CEP83: variants seen among roughly 807,000 people sequenced by gnomAD.
CEP83 encodes the protein centrosomal protein 83.
A neutral mutation model predicts 101.9 loss-of-function variants in CEP83; 70 were observed. The ratio of observed to expected loss-of-function variants is 0.69; its 90% CI spans 0.57 to 0.84. CEP83 has a LOEUF of 0.84. Ranked by LOEUF, CEP83 falls within the 40% of genes least tolerant of loss-of-function variation. The pLI is 0.00. For synonymous variants in CEP83, 264 were observed against 267.9 expected (o/e 0.99, Z 0.14); for missense variants, 715 against 787.2 (o/e 0.91, Z 1.10).
intron 14 of CEP83, among the ~76,000 whole-genome samples, chr12:94,316,261 G>A (rs1410394463): frequency 1.3e-5 from 2 of 151,926 alleles, no homozygotes; most frequent in Non-Finnish European, 2.9e-5. Flanking sequence ...TATTGTAAAT[G>A]GCATTTAAAT....
chr12:94,331,357 CTTTTTTTTTTTTTTTTT>C (rs1161292599), intron 14 of CEP83, among the ~76,000 whole-genome samples: 16 of 66,800 alleles, frequency 2.4e-4, no homozygotes, highest in Non-Finnish European at 3.7e-4. Flanking sequence ...ACCTTTTTTC[CTTTTTTTTTTTTTTTTT>C]TTTTTTTTTT....
At chr12:94,357,960 G>C (rs1189366339) in intron 11 of CEP83, among the ~76,000 whole-genome samples, 1 of 152,080 alleles carries the variant, frequency 6.6e-6, no homozygotes, top group Non-Finnish European at 1.5e-5. Flanking sequence ...CAGCTTACTG[G>C]GTAAATCAAA....
chr12:94,418,744 T>TA (rs1426336097), intron 2 of CEP83, among the ~76,000 whole-genome samples: 2 of 152,218 alleles, frequency 1.3e-5, no homozygotes, highest in Admixed American at 1.3e-4. Context: ...TGGTAGTTGT[T>TA]ACGCAATGCT....
At chr12:94,336,132 T>A (rs1253717333) in intron 11 of CEP83, among the ~76,000 whole-genome samples, 1 of 152,206 alleles carries the variant, frequency 6.6e-6, no homozygotes, top group African/African-American at 2.4e-5. Context: ...CTAACAAGGC[T>A]ACAGATTTAA....
At chr12:94,406,771 T>TAAAAAA (rs2063562721) in intron 4 of CEP83, among the ~76,000 whole-genome samples, 3 of 151,172 alleles carry the variant, frequency 2.0e-5, no homozygotes, top group Non-Finnish European at 4.4e-5. Context: ...AATAAAAAAT[T>TAAAAAA]TAAAAATTAA....
At chr12:94,322,548 C>T (rs2058793071) in intron 14 of CEP83, among the ~76,000 whole-genome samples, 1 of 152,244 alleles carries the variant, frequency 6.6e-6, no homozygotes, top group Admixed American at 6.5e-5. Context: ...AGCTGGCACC[C>T]TGCCCCTCTC....
chr12:94,448,436 T>C (rs1011569800), intron 1 of CEP83, among the ~76,000 whole-genome samples: 1 of 152,142 alleles, frequency 6.6e-6, no homozygotes, highest in Non-Finnish European at 1.5e-5. Flanking sequence ...ATCAATAAAC[T>C]TGACATAACT....
At chr12:94,432,654 GACAAT>G (rs1297582611) in intron 2 of CEP83, among the ~76,000 whole-genome samples, 23 of 152,140 alleles carry the variant, frequency 1.5e-4, no homozygotes, top group African/African-American at 5.1e-4. Flanking sequence ...CAGTTAGATA[GACAAT>G]ACAAGTTCTA....
intron 5 of CEP83, 62 bp from the exon 6 acceptor site, chr12:94,401,043 A>G: frequency 1.1e-6 from 1 of 877,466 alleles, no homozygotes; most frequent in Non-Finnish European, 1.6e-6. Flanking sequence ...TCCAATAGTC[A>G]CTTTTACAAA....
At chr12:94,398,908 A>G (rs1305954743) in intron 6 of CEP83, among the ~76,000 whole-genome samples, 1 of 152,188 alleles carries the variant, frequency 6.6e-6, no homozygotes, top group Non-Finnish European at 1.5e-5. Context: ...GGTCTCCTGC[A>G]GTACCCTCAG....
intron 14 of CEP83, among the ~76,000 whole-genome samples, chr12:94,320,392 T>C (rs1295991818): frequency 6.6e-6 from 1 of 152,214 alleles, no homozygotes; most frequent in Non-Finnish European, 1.5e-5. Context: ...ATTGTGTTGT[T>C]AGCTGGTTAT....
rs377393501 is a variant in CEP83 at position 94,394,579 on chromosome 12, A to G, written c.549+6271T>C. Among the ~76,000 whole-genome samples, 149 of 152,304 alleles carry G rather than the reference A, an allele frequency of 9.8e-4. 1 individual carries two copies. Among genetic ancestry groups the G allele is most frequent in the East Asian group, 5.4e-3 (28 of 5,186 alleles). ...CATAGGCATGGGCAAGGACTTCATGACTAAAACACCAAAAGCAATGGCAAC... is the reference window on the plus strand; with the variant it reads ...CATAGGCATGGGCAAGGACTTCATGGCTAAAACACCAAAAGCAATGGCAAC... On this transcript the variant is annotated intron_variant, in intron 6 of 16. Transcript: ENST00000397809.
chr12:94,423,913 T>C (rs2064983145), intron 2 of CEP83: 1 of 1,610,412 alleles, frequency 6.2e-7, no homozygotes, highest in South Asian at 1.1e-5. Flanking sequence ...TATACATGCC[T>C]GTGCTGCTGA....
the CEP83 span, among the ~76,000 whole-genome samples, chr12:94,266,320 G>A: frequency 6.6e-6 from 1 of 152,222 alleles, no homozygotes; most frequent in Admixed American, 6.5e-5. Context: ...ACCATGCACA[G>A]CTGCCATCCG....
At chr12:94,316,470 T>C (rs1970706941) in intron 14 of CEP83, among the ~76,000 whole-genome samples, 1 of 96,310 alleles carries the variant, frequency 1.0e-5, no homozygotes, top group African/African-American at 3.8e-5. Context: ...TTTTTTAGGC[T>C]CAGAGGTACA....
At chr12:94,410,308 A>G (rs1244989803) in intron 4 of CEP83, among the ~76,000 whole-genome samples, 2 of 152,226 alleles carry the variant, frequency 1.3e-5, no homozygotes, top group African/African-American at 4.8e-5. Context: ...AAAAATGTAG[A>G]TGTTATCTCA....
At chr12:94,349,038 C>A (rs1218028351) in intron 11 of CEP83, among the ~76,000 whole-genome samples, 1 of 152,100 alleles carries the variant, frequency 6.6e-6, no homozygotes, top group African/African-American at 2.4e-5. Context: ...GTAATCCCAG[C>A]ACTTTGGGAG....
At chr12:94,291,655 C>T in the CEP83 span, among the ~76,000 whole-genome samples, 1 of 152,170 alleles carries the variant, frequency 6.6e-6, no homozygotes, top group Non-Finnish European at 1.5e-5. Flanking sequence ...TCATCCCTCC[C>T]GAAGAAACCT....
At chr12:94,429,871 T>A (rs928439627) in intron 2 of CEP83, among the ~76,000 whole-genome samples, 1 of 152,134 alleles carries the variant, frequency 6.6e-6, no homozygotes, top group African/African-American at 2.4e-5. Flanking sequence ...AGGGCTAAAA[T>A]GCAAGTGAAA....
Sources: allele counts gnomAD v4.1 joint callset (sites outside exome capture counted in the v4.1 genomes callset), GRCh38; gene constraint gnomAD v4.1.1; transcripts MANE v1.5; gene names NCBI Gene and HGNC (gene_info 2026-07-23, HGNC 2026-07-21).